The following KDM5A variants were observed in gnomAD, a reference collection of about 807,000 sequenced individuals.
The protein encoded by KDM5A is lysine-specific demethylase 5A.
Under a neutral mutation model 193.5 loss-of-function variants are expected in KDM5A, and 42 were observed. The ratio of observed to expected loss-of-function variants is 0.22; its 90% CI spans 0.17 to 0.28. The LOEUF (loss-of-function observed/expected upper bound fraction) is 0.28. Ranked by LOEUF, KDM5A falls within the 10% of genes least tolerant of loss-of-function variation. KDM5A has a pLI of 1.00. For missense variants in KDM5A, 1,692 were observed against 2,055.1 expected (o/e 0.82, Z 3.42); for synonymous variants, 796 against 718.1 (o/e 1.11, Z -1.73).
chr12:285,865 C>G (rs1943214278), intron 27 of KDM5A, among the ~76,000 whole-genome samples: 1 of 152,168 alleles, frequency 6.6e-6, no homozygotes. Flanking sequence ...AGTGTGTCCA[C>G]AAAATTAGGC....
At chr12:309,035 T>TA (rs1263477999) in intron 22 of KDM5A, among the ~76,000 whole-genome samples, 1 of 152,204 alleles carries the variant, frequency 6.6e-6, no homozygotes, top group Non-Finnish European at 1.5e-5. Flanking sequence ...TCTAACCCAG[T>TA]AATTACATTC....
chr12:309,663 T>C, intron 22 of KDM5A, 140 bp downstream of exon 22: 1 of 874,176 alleles, frequency 1.1e-6, no homozygotes, highest in Non-Finnish European at 1.8e-6. Flanking sequence ...AATATTTACT[T>C]TTAATGTGAA....
chr12:358,462 C>T (rs1001172267), intron 5 of KDM5A, among the ~76,000 whole-genome samples: 5 of 152,104 alleles, frequency 3.3e-5, no homozygotes, highest in African/African-American at 1.2e-4. Flanking sequence ...CATTCTTTAC[C>T]ATTATTAAAG....
chr12:387,146 C>T (rs1944646599), intron 1 of KDM5A: 1 of 241,330 alleles, frequency 4.1e-6, no homozygotes, highest in Non-Finnish European at 8.2e-6. Context: ...TAGCATATTT[C>T]AAGTGGGGTC....
At chr12:373,072 G>A (rs567229979) in intron 3 of KDM5A, among the ~76,000 whole-genome samples, 1 of 152,116 alleles carries the variant, frequency 6.6e-6, no homozygotes, top group Non-Finnish European at 1.5e-5. Context: ...TTGGGTCTCT[G>A]CCAGGCTTTG....
At chr12:330,887 A>G (rs1943855940) in intron 13 of KDM5A, among the ~76,000 whole-genome samples, 1 of 152,188 alleles carries the variant, frequency 6.6e-6, no homozygotes, top group Admixed American at 6.5e-5. Context: ...CAACAAAAAC[A>G]GCACCAATAC....
chr12:355,739 A>G (rs1944223073), intron 6 of KDM5A, among the ~76,000 whole-genome samples: 1 of 152,248 alleles, frequency 6.6e-6, no homozygotes, highest in South Asian at 2.1e-4. Flanking sequence ...TTAATCTTCT[A>G]GAGTTCAGTC....
rs891069774 is a variant in KDM5A at position 280,572 on chromosome 12, G to A, written c.*4884C>T. On this transcript the variant is annotated 3_prime_UTR_variant, in exon 28 of 28. Transcript: ENST00000399788. ...GTCTTAACATTTTCAGAAATGATCCGTCCTTCATATCTGCATAAGCTGGGA... is the reference window on the plus strand; with the variant it reads ...GTCTTAACATTTTCAGAAATGATCCATCCTTCATATCTGCATAAGCTGGGA... The A allele has an allele frequency of 1.6e-4, 38 of 232,986 alleles. No individual in the cohort carries two copies. The highest frequency in any genetic ancestry group is 1.3e-3 in the South Asian group (7 of 5,526). 14.4% of individuals were successfully genotyped at this position (232,986 alleles called of 1,614,324 possible).
chr12:326,770 T>C (rs937742427), intron 14 of KDM5A, among the ~76,000 whole-genome samples: 11 of 142,088 alleles, frequency 7.7e-5, no homozygotes, highest in Non-Finnish European at 1.4e-4. Flanking sequence ...CTGAGGTAGG[T>C]AGGAGAATGG....
At position 293,001 on chromosome 12, in the gene KDM5A, C is replaced by A. The variant is rs1383431619; in HGVS notation, c.4624G>T (p.Ala1542Ser). The A allele has an allele frequency of 5.6e-6, 9 of 1,593,010 alleles. No individual in the cohort carries two copies. Among genetic ancestry groups the A allele is most frequent in the Non-Finnish European group, 7.7e-6 (9 of 1,174,986 alleles). The part of the protein sequence containing the change: ...KPRKKKLKLG[A>S]DKSKELNKLA... Reference sequence around the variant, plus strand: ...TTATTCAGCTCCTTTGATTTGTCTGCACCTAATTTTAATTTCTTCTTTCTA... The same window carrying A: ...TTATTCAGCTCCTTTGATTTGTCTGAACCTAATTTTAATTTCTTCTTTCTA... Residue 1542 changes from alanine (A) to serine (S), a missense_variant, in exon 27 of 28, where the codon GCA (alanine) becomes TCA (serine). Ala to Ser is a moderately conservative substitution (Grantham distance 99). Around this residue, in one of 11 missense-constraint regions of KDM5A, gnomAD observed 965 missense variants for 1,061.0 expected, o/e 0.91. Transcript: ENST00000399788.
chr12:308,353 A>G (rs749430328), intron 22 of KDM5A, among the ~76,000 whole-genome samples: 4 of 152,206 alleles, frequency 2.6e-5, no homozygotes, highest in Non-Finnish European at 4.4e-5. Flanking sequence ...CTGAAAAATG[A>G]GAATACTACC....
Position 343,368 on chromosome 12 carries a change from G to A in KDM5A, c.1308+7253C>T, listed in dbSNP as rs1013239375. On this transcript the variant is annotated intron_variant, in intron 10 of 27. Transcript: ENST00000399788. Reference sequence around the variant, plus strand: ...GGGCATGGCTGAACAAAAGGCAGCAGACAACTTCTGCAGACTTAAACATCC... The same window carrying A: ...GGGCATGGCTGAACAAAAGGCAGCAAACAACTTCTGCAGACTTAAACATCC... 5.9e-5 allele frequency among the ~76,000 whole-genome samples: 9 copies of A among 152,350 alleles called. No individual in the cohort carries two copies. The East Asian group carries it at 1.7e-3, about 29-fold the overall frequency.
Position 307,139 on chromosome 12 carries a change from A to G in KDM5A, c.3931-50T>C. On this transcript the variant is annotated intron_variant, in intron 23 of 27. Coordinates refer to ENST00000399788, the MANE Select transcript of KDM5A (RefSeq NM_001042603.3). This position sits in a 1 kb window ranked among gnomAD's most constrained non-coding sequence, Gnocchi z 4.3. ...GAACAGCAAGACATGCTAAACAGAC[A>G]GGGTAATTAATGTGTGCTTAAGATC... 1.9e-6 allele frequency: 3 copies of G among 1,609,016 alleles called. No homozygotes were observed. Among genetic ancestry groups the G allele is most frequent in the African/African-American group, 1.3e-5 (1 of 74,890 alleles).
chr12:362,518 C>T (rs1475230842), intron 5 of KDM5A, among the ~76,000 whole-genome samples: 1 of 152,146 alleles, frequency 6.6e-6, no homozygotes, highest in Admixed American at 6.5e-5. Context: ...CTCACTTCTG[C>T]TAACCATAAA....
At chr12:297,730 CAT>C (rs1943391167) in intron 24 of KDM5A, among the ~76,000 whole-genome samples, 1 of 152,128 alleles carries the variant, frequency 6.6e-6, no homozygotes, top group South Asian at 2.1e-4. Context: ...TACACACAGA[CAT>C]AGAATTTAGA....
chr12:316,852 C>A (rs1943656287), intron 19 of KDM5A, among the ~76,000 whole-genome samples: 1 of 152,118 alleles, frequency 6.6e-6, no homozygotes, highest in South Asian at 2.1e-4. Context: ...TATTTTCTTA[C>A]CAAAATGCAT....
intron 10 of KDM5A, among the ~76,000 whole-genome samples, chr12:344,035 C>T (rs925559979): frequency 2.0e-5 from 3 of 152,168 alleles, no homozygotes; most frequent in African/African-American, 7.2e-5. Flanking sequence ...TTAGACAAAT[C>T]GCTAACTAGA....
rs965282652 is a variant in KDM5A at position 384,021 on chromosome 12, T to A, written c.366+10A>T. 2 of 1,613,494 alleles carry A rather than the reference T, an allele frequency of 1.2e-6. No homozygotes were observed. The highest frequency in any genetic ancestry group is 1.7e-5 in the Admixed American group (1 of 60,022). The stretch of plus-strand genomic sequence containing the variant: ...CTGTGCTCTAATTTCTAAACCAGTA[T>A]GAGCCTCACCTTGCTCAAAGCATAC... On this transcript the variant is annotated intron_variant, in intron 3 of 27. Transcript: ENST00000399788.
In KDM5A at chr12:284,625, G is replaced by A. The variant is rs891963166; in HGVS notation, c.*831C>T. ...TAAGATAGTACGACTGGTCATCATCGTCATCTTCTTCTCTTTTTTTTTTTG... is the reference window on the plus strand; with the variant it reads ...TAAGATAGTACGACTGGTCATCATCATCATCTTCTTCTCTTTTTTTTTTTG... On this transcript the variant is annotated 3_prime_UTR_variant, in exon 28 of 28. Coordinates refer to ENST00000399788, the MANE Select transcript of KDM5A (RefSeq NM_001042603.3). 2.2e-4 allele frequency: 50 copies of A among 231,104 alleles called. 1 individual carries two copies. Among genetic ancestry groups the A allele is most frequent in the Admixed American group, 1.1e-4 (2 of 17,704 alleles). The allele number at this position is 231,104 out of a possible 1,614,324, so 14.3% of individuals were successfully genotyped here.
Sources: gnomAD v4.1 joint callset for allele counts (sites outside exome capture counted in the v4.1 genomes callset) on GRCh38, gnomAD v4.1.1 for gene constraint, gnomAD v4.1.1 regional missense constraint, Gnocchi (gnomAD v3.1) non-coding constraint, MANE v1.5 for transcripts, NCBI Gene and HGNC (gene_info 2026-07-23, HGNC 2026-07-21) for gene names.